Variants in KRAS observed in about 807,000 individuals in gnomAD.
The protein encoded by KRAS is GTPase KRas.
Under a neutral mutation model 21.0 loss-of-function variants are expected in KRAS, and 1 was observed. The observed-to-expected ratio is 0.05, with a 90% CI of 0.02 to 0.23. KRAS has a LOEUF of 0.23. Among genes scored for constraint, KRAS ranks in the 10% least tolerant of loss-of-function variants. KRAS has a pLI of 1.00. For synonymous variants in KRAS, 67 were observed against 72.5 expected (o/e 0.92, Z 0.39); for missense variants, 107 against 221.8 (o/e 0.48, Z 3.29).
chr12:25,247,598 T>G (rs1438499722), intron 1 of KRAS, among the ~76,000 whole-genome samples: 4 of 152,218 alleles, frequency 2.6e-5, no homozygotes, highest in African/African-American at 9.6e-5. Flanking sequence ...CCAACCAGTT[T>G]GCATAGCCTA....
intron 3 of KRAS, among the ~76,000 whole-genome samples, chr12:25,226,237 A>G (rs1341470743): frequency 6.6e-6 from 1 of 152,232 alleles, no homozygotes; most frequent in East Asian, 1.9e-4. Context: ...TAGGTAGGCA[A>G]CACTGAAGTT....
chr12:25,235,172 G>T, intron 2 of KRAS: 1 of 500,984 alleles, frequency 2.0e-6, no homozygotes, highest in Admixed American at 2.9e-5. Flanking sequence ...GAAATTGTAT[G>T]TTTTCTTAAT....
At chr12:25,237,370 T>C (rs923537676) in intron 2 of KRAS, among the ~76,000 whole-genome samples, 7 of 152,200 alleles carry the variant, frequency 4.6e-5, no homozygotes, top group African/African-American at 1.4e-4. Context: ...AAAGTGTAAA[T>C]TGTATGCTAT....
chr12:25,208,402 A>T lies in KRAS; in HGVS notation c.*1393T>A, dbSNP rs1203781181. On this transcript the variant is annotated 3_prime_UTR_variant, in exon 5 of 5. Coordinates refer to ENST00000311936, the MANE Select transcript of KRAS (RefSeq NM_004985.5). ...TTTATTTTTATTTTAAAGCATTATT[A>T]AATATGGATCAGACTTGAAAAGTGT... The T allele has an allele frequency of 8.6e-6, 2 of 233,008 alleles. No homozygotes were observed. The highest frequency in any genetic ancestry group is 1.7e-5 in the Non-Finnish European group (2 of 117,768). The allele number at this position is 233,008 out of a possible 1,614,324, so 14.4% of individuals were successfully genotyped here. A position where few individuals can be genotyped will look rare whatever the true frequency, so the allele number is the denominator to read the frequency against.
At chr12:25,218,771 A>G (rs1951283392) in intron 4 of KRAS, among the ~76,000 whole-genome samples, 1 of 152,198 alleles carries the variant, frequency 6.6e-6, no homozygotes, top group Admixed American at 6.5e-5. Flanking sequence ...TCACATTCCA[A>G]AATCTGTAGA....
intron 2 of KRAS, among the ~76,000 whole-genome samples, chr12:25,240,265 T>TA (rs1266460721): frequency 3.9e-5 from 6 of 152,170 alleles, no homozygotes; most frequent in Admixed American, 3.3e-4. Flanking sequence ...TGCTCTTAAG[T>TA]ATAAAGCCTC....
At chr12:25,246,140 T>A in intron 1 of KRAS, among the ~76,000 whole-genome samples, 1 of 98,370 alleles carries the variant, frequency 1.0e-5, no homozygotes, top group Admixed American at 1.3e-4. Flanking sequence ...AGAGCAAGAC[T>A]CCGTCTCAAA....
intron 4 of KRAS, 194 bp downstream of exon 4, chr12:25,225,420 A>G (rs1951379922): frequency 2.0e-6 from 1 of 511,870 alleles, no homozygotes; most frequent in African/African-American, 1.9e-5. Context: ...TTCAATGTAG[A>G]AAGAAACCAA....
At position 25,232,172 on chromosome 12, in the gene KRAS, T is replaced by C. The variant is rs138936542; in HGVS notation, c.112-4760A>G. Among the ~76,000 whole-genome samples, 47 of 152,148 alleles carry C rather than the reference T, an allele frequency of 3.1e-4. 1 individual carries two copies. The highest frequency in any genetic ancestry group is 1.1e-3 in the African/African-American group (44 of 41,490). ...CTGTATTTGGAGGAAGAAAAAAAAA[T>C]ATGCATCAATGTAGACTCTTTCAAA... is the stretch of plus-strand genomic sequence containing the variant. On this transcript the variant is annotated intron_variant, in intron 2 of 4. Coordinates refer to ENST00000311936, the MANE Select transcript of KRAS (RefSeq NM_004985.5).
At chr12:25,214,283 C>T (rs928151914) in intron 4 of KRAS, among the ~76,000 whole-genome samples, 1 of 151,768 alleles carries the variant, frequency 6.6e-6, no homozygotes, top group Non-Finnish European at 1.5e-5. Flanking sequence ...GGCAAGATGA[C>T]GTTTTTAGAT....
rs569805073 is a variant in KRAS, at chr12:25,208,331, T to A, written c.*1464A>T. ...CACCTCACCATGCCATCTCACTTCA[T>A]TTATTTTAAAATAAGTAACATTTTA... is the stretch of plus-strand genomic sequence containing the variant. On this transcript the variant is annotated 3_prime_UTR_variant, in exon 5 of 5. Transcript: ENST00000311936. The A allele has an allele frequency of 6.9e-5, 16 of 233,178 alleles. No individual in the cohort carries two copies. The highest frequency in any genetic ancestry group is 2.6e-4 in the African/African-American group (12 of 45,424). The allele number at this position is 233,178 out of a possible 1,614,324, so 14.4% of individuals were successfully genotyped here. A position where few individuals can be genotyped will look rare whatever the true frequency, so the allele number is the denominator to read the frequency against.
chr12:25,244,655 T>C (rs373239441), intron 2 of KRAS, among the ~76,000 whole-genome samples: 5 of 152,138 alleles, frequency 3.3e-5, no homozygotes, highest in East Asian at 3.8e-4. Flanking sequence ...AAAAACATGA[T>C]AACAATTTAA....
At chr12:25,225,286 T>TTATTTTTATATATATA (rs1486092988) in intron 4 of KRAS, 189 of 10,550 alleles carry the variant, frequency 0.018, 21 homozygotes, top group Middle Eastern at 0.062. Context: ...GCCCTGTTCT[T>TTATTTTTATATATATA]TATATATATA....
At chr12:25,210,184 C>T (rs998240384) in intron 4 of KRAS, among the ~76,000 whole-genome samples, 1 of 152,128 alleles carries the variant, frequency 6.6e-6, no homozygotes, top group Non-Finnish European at 1.5e-5. Context: ...GACTTTTTCA[C>T]AGGAGAACTT....
At chr12:25,231,613 CT>C (rs1951472200) in intron 2 of KRAS, among the ~76,000 whole-genome samples, 1 of 152,014 alleles carries the variant, frequency 6.6e-6, no homozygotes, top group African/African-American at 2.4e-5. Context: ...AATCTCATTC[CT>C]ATTATCTTTT....
In KRAS at chr12:25,205,285, G is replaced by A. The variant is rs990806655; in HGVS notation, c.*4510C>T. On this transcript the variant is annotated 3_prime_UTR_variant, in exon 5 of 5. Coordinates refer to ENST00000311936, the MANE Select transcript of KRAS (RefSeq NM_004985.5). ...TTTTATTACATTACAATAATTAGGA[G>A]TAGTACAGTTCATGACAAAAATATT... The A allele has an allele frequency of 9.3e-6, 2 of 214,332 alleles. No individual in the cohort carries two copies. The highest frequency in any genetic ancestry group is 1.9e-5 in the Non-Finnish European group (2 of 106,176). 13.3% of individuals were successfully genotyped at this position (214,332 alleles called of 1,614,324 possible).
At chr12:25,222,549 T>C (rs1039681941) in intron 4 of KRAS, among the ~76,000 whole-genome samples, 6 of 152,164 alleles carry the variant, frequency 3.9e-5, no homozygotes, top group Middle Eastern at 3.2e-3. Flanking sequence ...AAAAGAAAGG[T>C]TGAGTGCTCT....
intron 1 of KRAS, among the ~76,000 whole-genome samples, chr12:25,248,789 G>A (rs1390039582): frequency 6.6e-6 from 1 of 151,692 alleles, no homozygotes; most frequent in Non-Finnish European, 1.5e-5. Flanking sequence ...ATTTTGTAAT[G>A]GAAGAAAATT....
intron 4 of KRAS, among the ~76,000 whole-genome samples, chr12:25,224,936 T>A (rs1951371482): frequency 6.6e-6 from 1 of 152,288 alleles, no homozygotes; most frequent in East Asian, 1.9e-4. Context: ...TCATTTCCTA[T>A]ATGTTAAACT....
Sources: gnomAD v4.1 joint callset for allele counts (sites outside exome capture counted in the v4.1 genomes callset) on GRCh38, gnomAD v4.1.1 for gene constraint, MANE v1.5 for transcripts, NCBI Gene and HGNC (gene_info 2026-07-23, HGNC 2026-07-21) for gene names.